Variants in VIM observed in about 807,000 individuals in gnomAD.
VIM encodes the protein epididymis secretory sperm binding protein.
A neutral mutation model predicts 50.3 loss-of-function variants in VIM; 18 were observed. That is an observed-to-expected ratio of 0.36 (90% CI 0.25 to 0.53). VIM has a LOEUF of 0.53. Ranked by LOEUF, VIM falls within the 20% of genes least tolerant of loss-of-function variation. VIM has a pLI of 0.91. For synonymous variants in VIM, 245 were observed against 248.5 expected (o/e 0.99, Z 0.13); for missense variants, 551 against 614.7 (o/e 0.90, Z 1.10).
At chr10:17,230,258 G>A in intron 2 of VIM, 1 of 584,388 alleles carries the variant, frequency 1.7e-6, no homozygotes. Context: ...ACCACTTTGT[G>A]TGCAGTTGAA....
intron 5 of VIM, chr10:17,234,207 C>T: frequency 2.5e-6 from 1 of 401,668 alleles, no homozygotes. Context: ...CCTCCGCCTC[C>T]CAGGTTCAAG....
Position 17,229,264 on chromosome 10 carries a change from G to C in VIM, c.-147-12G>C. On this transcript the variant is annotated splice_polypyrimidine_tract_variant and intron_variant, in intron 1 of 9. Transcript: ENST00000544301. ...ACGGGGTTATAAAAACAGCGCCCTCGGCGGGGTCCAGTCCTCTGCCACTCT... is the reference window on the plus strand; with the variant it reads ...ACGGGGTTATAAAAACAGCGCCCTCCGCGGGGTCCAGTCCTCTGCCACTCT... 1 of 704,950 alleles carries C rather than the reference G, an allele frequency of 1.4e-6. No homozygotes were observed. Among genetic ancestry groups the C allele is most frequent in the Non-Finnish European group, 2.3e-6 (1 of 434,388 alleles). 43.7% of individuals were successfully genotyped at this position (704,950 alleles called of 1,614,324 possible). A position where few individuals can be genotyped will look rare whatever the true frequency, so the allele number is the denominator to read the frequency against.
chr10:17,237,181 G>A, intron 9 of VIM, 49 bp from the exon 10 acceptor site: 1 of 1,486,956 alleles, frequency 6.7e-7, no homozygotes, highest in Non-Finnish European at 9.3e-7. Flanking sequence ...GGATAATTTA[G>A]TCTTTGGCAT....
At chr10:17,230,733 C>G (rs1382840149) in intron 3 of VIM, 23 bp downstream of exon 3, 1 of 1,613,980 alleles carries the variant, frequency 6.2e-7, no homozygotes, top group African/African-American at 1.3e-5. Context: ...TCTTCCCACT[C>G]GCAGCCGCCT....
Position 17,230,095 on chromosome 10 carries a change from G to C in VIM, c.563+110G>C, listed in dbSNP as rs948371399. ...GCCACGCCCTTGGGGATGTGGCCGG[G>C]GGGAGGCCTGCCAGGGAGACAGCGG... On this transcript the variant is annotated intron_variant, in intron 2 of 9. Transcript: ENST00000544301. 6 of 1,337,998 alleles carry C rather than the reference G, an allele frequency of 4.5e-6. No homozygotes were observed. The African/African-American group carries it at 5.9e-5, about 13-fold the overall frequency. The allele number at this position is 1,337,998 out of a possible 1,614,324, so 82.9% of individuals were successfully genotyped here. A position where few individuals can be genotyped will look rare whatever the true frequency, so the allele number is the denominator to read the frequency against.
At chr10:17,233,971 A>G (rs1360478963) in intron 5 of VIM, 40 bp downstream of exon 5, 3 of 1,583,692 alleles carry the variant, frequency 1.9e-6, no homozygotes, top group Non-Finnish European at 2.6e-6. Flanking sequence ...AAAGAAAAGC[A>G]TTGTGTTCTC....
At chr10:17,234,117 TTTTC>T in intron 5 of VIM, 186 bp downstream of exon 5, 1 of 667,752 alleles carries the variant, frequency 1.5e-6, no homozygotes, top group Non-Finnish European at 2.4e-6. Context: ...TATTTATTTA[TTTTC>T]TTATTTATTT....
intron 7 of VIM, 39 bp downstream of exon 7, chr10:17,235,428 C>A (rs1166588959): frequency 3.7e-6 from 6 of 1,606,268 alleles, no homozygotes; most frequent in Non-Finnish European, 5.1e-6. Context: ...CTAATGGTGA[C>A]CATTTGTTAG....
intron 6 of VIM, 127 bp downstream of exon 6, chr10:17,234,945 A>G: frequency 7.0e-7 from 1 of 1,424,132 alleles, no homozygotes; most frequent in Non-Finnish European, 9.7e-7. Flanking sequence ...AAAATGAGTT[A>G]TCAAGACAGA....
chr10:17,231,319 A>G (rs908072943), intron 3 of VIM, among the ~76,000 whole-genome samples: 1 of 151,188 alleles, frequency 6.6e-6, no homozygotes, highest in Non-Finnish European at 1.5e-5. Flanking sequence ...GTTCGATGGA[A>G]GTATCACTAT....
Position 17,230,818 on chromosome 10 carries a change from G to T in VIM, c.624+108G>T, listed in dbSNP as rs1846778177. 5.3e-6 allele frequency: 7 copies of T among 1,319,112 alleles called. No homozygotes were observed. In the South Asian group the frequency reaches 7.1e-5, roughly 13 times the overall value. 81.7% of individuals were successfully genotyped at this position (1,319,112 alleles called of 1,614,324 possible). A position where few individuals can be genotyped will look rare whatever the true frequency, so the allele number is the denominator to read the frequency against. On this transcript the variant is annotated intron_variant, in intron 3 of 9. Transcript: ENST00000544301. ...CGTCTAAAAAGTGCAAAACTTCAGGGCTGCGCGTAAAGCCCTCTAGTGGCG... is the reference window on the plus strand; with the variant it reads ...CGTCTAAAAAGTGCAAAACTTCAGGTCTGCGCGTAAAGCCCTCTAGTGGCG...
intron 5 of VIM, among the ~76,000 whole-genome samples, chr10:17,234,318 T>C (rs1846849620): frequency 6.6e-6 from 1 of 152,148 alleles, no homozygotes; most frequent in African/African-American, 2.4e-5. Context: ...TTTCACCATG[T>C]TGACCAGGCT....
At chr10:17,232,197 C>G (rs1846810318) in intron 3 of VIM, among the ~76,000 whole-genome samples, 2 of 152,140 alleles carry the variant, frequency 1.3e-5, no homozygotes, top group Non-Finnish European at 2.9e-5. Flanking sequence ...CAGGGCTTAA[C>G]AAGTAAAAAT....
chr10:17,233,270 C>A, intron 3 of VIM: 2 of 353,770 alleles, frequency 5.7e-6, no homozygotes, highest in South Asian at 4.8e-5. Context: ...TTTAAAATAT[C>A]ACTGGTAAAA....
In VIM at chr10:17,230,287, G is replaced by A. The variant is rs1846762954; in HGVS notation, c.563+302G>A. On this transcript the variant is annotated intron_variant, in intron 2 of 9. Transcript: ENST00000544301. The stretch of plus-strand genomic sequence containing the variant: ...AGTTGAAGGCCCTTGGGCACAATGA[G>A]AGCCAGTCCTCCAAACTTTCAGAAA... The A allele has an allele frequency of 5.2e-6, 3 of 573,838 alleles. No homozygotes were observed. In the Admixed American group the frequency reaches 9.1e-5, roughly 17 times the overall value. 35.5% of individuals were successfully genotyped at this position (573,838 alleles called of 1,614,324 possible). A position where few individuals can be genotyped will look rare whatever the true frequency, so the allele number is the denominator to read the frequency against.
In VIM at chr10:17,235,604, C is replaced by G; in HGVS notation, c.1229+215C>G. 3 of 704,390 alleles carry G rather than the reference C, an allele frequency of 4.3e-6. No homozygotes were observed. The South Asian group carries it at 5.4e-5, about 13-fold the overall frequency. 43.6% of individuals were successfully genotyped at this position (704,390 alleles called of 1,614,324 possible). ...GCAGAGCTGGGATTTGAACCCATAA[C>G]TCTGTCAAAGCCTCCACTCCTAACT... On this transcript the variant is annotated intron_variant, in intron 7 of 9. Transcript: ENST00000544301.
chr10:17,234,014 T>C lies in VIM; in HGVS notation c.882+83T>C, dbSNP rs978132878. The C allele has an allele frequency of 4.6e-6, 7 of 1,536,468 alleles. No individual in the cohort carries two copies. In the Admixed American group the frequency reaches 1.2e-4, roughly 26 times the overall value. On this transcript the variant is annotated intron_variant, in intron 5 of 9. Coordinates refer to ENST00000544301, the MANE Select transcript of VIM (RefSeq NM_003380.5). ...CATACCTGTGTGTGATTCCTAAATA[T>C]CCTCTAGCTCCAATGCAAAGCTGGC...
intron 8 of VIM, 79 bp from the exon 9 acceptor site, chr10:17,236,215 T>G (rs1397305939): frequency 9.0e-7 from 1 of 1,116,080 alleles, no homozygotes; most frequent in Non-Finnish European, 1.4e-6. Flanking sequence ...CAAATCATAA[T>G]TGTTTCAGTA....
intron 8 of VIM, 83 bp downstream of exon 8, chr10:17,235,972 A>C: frequency 1.4e-6 from 2 of 1,444,346 alleles, no homozygotes; most frequent in Non-Finnish European, 1.9e-6. Context: ...TTTTTTTAGG[A>C]TATCTGAAAA....
Sources: gnomAD v4.1 joint callset for allele counts (sites outside exome capture counted in the v4.1 genomes callset) on GRCh38, gnomAD v4.1.1 for gene constraint, MANE v1.5 for transcripts, NCBI Gene and HGNC (gene_info 2026-07-23, HGNC 2026-07-21) for gene names.